TFEC: variants seen among roughly 807,000 people sequenced by gnomAD.
The protein encoded by TFEC is transcription factor EC.
A neutral mutation model predicts 41.6 loss-of-function variants in TFEC; 31 were observed. That is an observed-to-expected ratio of 0.74 (90% CI 0.56 to 1.01). The LOEUF (loss-of-function observed/expected upper bound fraction) is 1.01, where lower values mean the gene tolerates loss of function less well. TFEC is among the 50% of genes least tolerant of loss of function. The pLI is 0.00. For synonymous variants in TFEC, 143 were observed against 140.6 expected (o/e 1.02, Z -0.12); for missense variants, 402 against 404.1 (o/e 0.99, Z 0.04).
chr7:116,127,375 G>A (rs769625447), intron 1 of TFEC, among the ~76,000 whole-genome samples: 16 of 151,904 alleles, frequency 1.1e-4, no homozygotes, highest in South Asian at 2.1e-4. Flanking sequence ...GAGCCACCGC[G>A]CCCAGCCTGG....
chr7:116,030,333 T>C (rs1025822040), intron 1 of TFEC, among the ~76,000 whole-genome samples: 4 of 152,186 alleles, frequency 2.6e-5, no homozygotes, highest in Non-Finnish European at 5.9e-5. Context: ...CATGTTCCAA[T>C]TTAGTAAATA....
upstream of TFEC, among the ~76,000 whole-genome samples, chr7:116,033,292 T>C (rs1795832163): frequency 6.6e-6 from 1 of 152,070 alleles, no homozygotes; most frequent in East Asian, 1.9e-4. Context: ...ACTGATTTGG[T>C]CTCAACTCCC....
chr7:116,112,526 G>A (rs934913400), intron 1 of TFEC, among the ~76,000 whole-genome samples: 1 of 151,952 alleles, frequency 6.6e-6, no homozygotes, highest in Non-Finnish European at 1.5e-5. Context: ...TTGGCTAACT[G>A]ATTATAGCTG....
chr7:116,078,093 GGAAT>G (rs2131045904), intron 3 of TFEC, among the ~76,000 whole-genome samples: 2 of 152,098 alleles, frequency 1.3e-5, no homozygotes, highest in South Asian at 4.1e-4. Context: ...AGGCTGCAGT[GGAAT>G]GAAATTTGAA....
At chr7:116,129,018 A>T (rs1798273643) in intron 1 of TFEC, among the ~76,000 whole-genome samples, 1 of 151,504 alleles carries the variant, frequency 6.6e-6, no homozygotes, top group Non-Finnish European at 1.5e-5. Context: ...TACATTGAAA[A>T]AAAAACCAAA....
chr7:116,128,682 T>C (rs908979387), intron 1 of TFEC, among the ~76,000 whole-genome samples: 30 of 152,196 alleles, frequency 2.0e-4, no homozygotes, highest in African/African-American at 7.2e-4. Context: ...TGTGTGAAAC[T>C]GTTTTAGATA....
intron 1 of TFEC, among the ~76,000 whole-genome samples, chr7:116,022,771 T>G (rs1196023957): frequency 6.6e-6 from 1 of 152,210 alleles, no homozygotes; most frequent in Non-Finnish European, 1.5e-5. Context: ...AATATCTTCA[T>G]AATTTATTTA....
At chr7:115,966,110 C>G (rs1233645328) in intron 3 of TFEC, among the ~76,000 whole-genome samples, 1 of 151,700 alleles carries the variant, frequency 6.6e-6, no homozygotes, top group African/African-American at 2.4e-5. Context: ...AATCTGAAAT[C>G]TAAAATCTTT....
At chr7:116,006,898 C>G (rs1423859272) in intron 1 of TFEC, among the ~76,000 whole-genome samples, 4 of 152,116 alleles carry the variant, frequency 2.6e-5, no homozygotes, top group African/African-American at 9.7e-5. Flanking sequence ...CTGATGGTAT[C>G]ATAAGGGAGA....
At chr7:116,038,573 G>A (rs1301142661) in intron 3 of TFEC, among the ~76,000 whole-genome samples, 2 of 151,986 alleles carry the variant, frequency 1.3e-5, no homozygotes, top group Non-Finnish European at 2.9e-5. Flanking sequence ...AATATTTCAT[G>A]GAGGCTACCA....
At chr7:116,095,208 T>A (rs1239874717) in intron 3 of TFEC, among the ~76,000 whole-genome samples, 2 of 152,190 alleles carry the variant, frequency 1.3e-5, no homozygotes, top group Non-Finnish European at 2.9e-5. Flanking sequence ...AACCACTGAA[T>A]TTTCAAAACT....
At chr7:115,989,450 G>T (rs138753458) in intron 1 of TFEC, among the ~76,000 whole-genome samples, 7 of 152,274 alleles carry the variant, frequency 4.6e-5, no homozygotes, top group East Asian at 1.9e-4. Context: ...GCGGGGCATC[G>T]CCTCACCCGG....
intron 1 of TFEC, among the ~76,000 whole-genome samples, chr7:116,128,835 G>A (rs540669964): frequency 6.6e-6 from 1 of 151,748 alleles, no homozygotes; most frequent in Non-Finnish European, 1.5e-5. Context: ...AGTACTTGAA[G>A]GTAAAGAAAA....
intron 1 of TFEC, among the ~76,000 whole-genome samples, chr7:116,113,790 T>C (rs1797909499): frequency 6.6e-6 from 1 of 152,028 alleles, no homozygotes; most frequent in Admixed American, 6.6e-5. Flanking sequence ...ATAAACTTAA[T>C]CTTTCCCAAA....
chr7:116,024,245 A>G (rs953053661), intron 1 of TFEC, among the ~76,000 whole-genome samples: 4 of 152,102 alleles, frequency 2.6e-5, no homozygotes, highest in Non-Finnish European at 4.4e-5. Context: ...GTGATTTCTG[A>G]TTTTCTTCTA....
intron 3 of TFEC, among the ~76,000 whole-genome samples, chr7:116,076,019 C>G (rs1474598192): frequency 6.6e-6 from 1 of 152,188 alleles, no homozygotes. Context: ...ACAGAGTCCA[C>G]TTCACTCCCT....
At chr7:116,133,116 A>T (rs1798365369) in intron 1 of TFEC, among the ~76,000 whole-genome samples, 1 of 152,214 alleles carries the variant, frequency 6.6e-6, no homozygotes, top group Non-Finnish European at 1.5e-5. Flanking sequence ...TAATCTTTTC[A>T]GTTTTTGTCA....
At position 115,940,449 on chromosome 7, in the gene TFEC, A is replaced by T; in HGVS notation, c.*102T>A. 2 of 1,310,236 alleles carry T rather than the reference A, an allele frequency of 1.5e-6. No homozygotes were observed. The highest frequency in any genetic ancestry group is 2.4e-5 in the East Asian group (1 of 41,408). 81.2% of individuals were successfully genotyped at this position (1,310,236 alleles called of 1,614,324 possible). ...TTTTTCATGAACAACACATTCCTTTAAGAAAAAAAATAAGCCAAAGCAACA... is the reference window on the plus strand; with the variant it reads ...TTTTTCATGAACAACACATTCCTTTTAGAAAAAAAATAAGCCAAAGCAACA... On this transcript the variant is annotated 3_prime_UTR_variant, in exon 8 of 8. Transcript: ENST00000265440.
chr7:115,985,686 T>C (rs1793821417), intron 1 of TFEC, among the ~76,000 whole-genome samples: 1 of 152,134 alleles, frequency 6.6e-6, no homozygotes, highest in African/African-American at 2.4e-5. Flanking sequence ...ATTATTTTAA[T>C]TGTACTAGCA....
Sources: allele counts gnomAD v4.1 joint callset (sites outside exome capture counted in the v4.1 genomes callset), GRCh38; gene constraint gnomAD v4.1.1; transcripts MANE v1.5; gene names NCBI Gene and HGNC (gene_info 2026-07-23, HGNC 2026-07-21).